The following HEMK2 variants were observed in gnomAD, a reference collection of about 807,000 sequenced individuals.
HEMK2 encodes the protein HemK methyltransferase 2, ETF1 glutamine and histone H4 lysine.
At chr21:28,715,531 T>G in the HEMK2 span, among the ~76,000 whole-genome samples, 1 of 152,344 alleles carries the variant, frequency 6.6e-6, no homozygotes, top group Non-Finnish European at 1.5e-5. Flanking sequence ...TTACATATTC[T>G]GGATATTAGA....
chr21:28,850,410 G>C, the HEMK2 span, among the ~76,000 whole-genome samples: 1 of 151,858 alleles, frequency 6.6e-6, no homozygotes, highest in Non-Finnish European at 1.5e-5. Flanking sequence ...ATTTTTAGTA[G>C]AGACGGGGTT....
the HEMK2 span, among the ~76,000 whole-genome samples, chr21:28,580,961 A>G: frequency 6.6e-6 from 1 of 152,288 alleles, no homozygotes; most frequent in East Asian, 1.9e-4. Context: ...AGGGTTTAAT[A>G]ATGATGAATT....
chr21:28,858,602 G>A, the HEMK2 span, among the ~76,000 whole-genome samples: 12 of 151,880 alleles, frequency 7.9e-5, no homozygotes, highest in South Asian at 2.1e-4. Flanking sequence ...AGGGAGGGAC[G>A]CAGGGAGGGA....
At chr21:28,602,729 A>T in the HEMK2 span, among the ~76,000 whole-genome samples, 9 of 152,320 alleles carry the variant, frequency 5.9e-5, no homozygotes, top group African/African-American at 2.2e-4. Context: ...AATGATAGAT[A>T]ACAGTTTTAG....
the HEMK2 span, among the ~76,000 whole-genome samples, chr21:28,830,191 T>G: frequency 6.6e-6 from 1 of 152,244 alleles, no homozygotes; most frequent in Non-Finnish European, 1.5e-5. Flanking sequence ...GGTTTGGCTC[T>G]GTGTCCCCAC....
chr21:28,843,946 A>G, the HEMK2 span, among the ~76,000 whole-genome samples: 2 of 152,154 alleles, frequency 1.3e-5, no homozygotes, highest in African/African-American at 4.8e-5. Flanking sequence ...TCAAAAATAA[A>G]ACATATATTT....
At chr21:28,871,490 C>G in the HEMK2 span, among the ~76,000 whole-genome samples, 58 of 152,196 alleles carry the variant, frequency 3.8e-4, no homozygotes, top group African/African-American at 1.4e-3. Context: ...TCCTCCAATA[C>G]TAGGGGATTA....
At chr21:28,782,819 TAG>T in the HEMK2 span, among the ~76,000 whole-genome samples, 1 of 152,150 alleles carries the variant, frequency 6.6e-6, no homozygotes, top group African/African-American at 2.4e-5. Context: ...CACTTTAAAT[TAG>T]TGATTTGTAT....
At chr21:28,626,098 T>G in the HEMK2 span, among the ~76,000 whole-genome samples, 1 of 152,168 alleles carries the variant, frequency 6.6e-6, no homozygotes, top group Non-Finnish European at 1.5e-5. Flanking sequence ...TTGTTGTTCT[T>G]ATAATTTCCT....
the HEMK2 span, chr21:28,883,137 G>T: frequency 9.1e-7 from 1 of 1,094,628 alleles, no homozygotes; most frequent in Admixed American, 2.3e-5. Flanking sequence ...AAACTCTCAT[G>T]CTAGTGTTAT....
At chr21:28,767,699 T>C in the HEMK2 span, among the ~76,000 whole-genome samples, 1 of 152,108 alleles carries the variant, frequency 6.6e-6, no homozygotes, top group Non-Finnish European at 1.5e-5. Context: ...TCTTACTCTA[T>C]AGTCAAGTCA....
the HEMK2 span, among the ~76,000 whole-genome samples, chr21:28,617,792 T>C: frequency 0.11 from 589 of 5,522 alleles, 2 homozygotes; most frequent in Non-Finnish European, 0.26. Flanking sequence ...TTGACTGCCT[T>C]TTTTTTTTTT....
chr21:28,752,801 TG>T, the HEMK2 span, among the ~76,000 whole-genome samples: 1 of 144,170 alleles, frequency 6.9e-6, no homozygotes, highest in African/African-American at 2.8e-5. Context: ...CACTACAAAA[TG>T]TAAGATATTA....
the HEMK2 span, among the ~76,000 whole-genome samples, chr21:28,625,092 A>G: frequency 6.6e-6 from 1 of 152,182 alleles, no homozygotes; most frequent in South Asian, 2.1e-4. Context: ...CATGCACCCA[A>G]CTTACTGAAA....
the HEMK2 span, among the ~76,000 whole-genome samples, chr21:28,613,522 A>G: frequency 8.6e-5 from 13 of 152,012 alleles, no homozygotes; most frequent in African/African-American, 3.1e-4. Context: ...GAGAGATTAA[A>G]TAACTTTTTC....
the HEMK2 span, among the ~76,000 whole-genome samples, chr21:28,661,248 T>C: frequency 2.6e-5 from 4 of 152,114 alleles, no homozygotes; most frequent in East Asian, 7.7e-4. Context: ...ATCTTCGTAT[T>C]TCACTTTTTG....
chr21:28,630,019 G>A, the HEMK2 span, among the ~76,000 whole-genome samples: 11 of 151,750 alleles, frequency 7.2e-5, no homozygotes, highest in Non-Finnish European at 1.6e-4. Flanking sequence ...CACAATTTGT[G>A]AGTATGAGTA....
the HEMK2 span, among the ~76,000 whole-genome samples, chr21:28,706,393 C>T: frequency 1.3e-5 from 2 of 152,076 alleles, no homozygotes; most frequent in Admixed American, 6.6e-5. Context: ...CCTTATCGGG[C>T]CTCAATCAAA....
At chr21:28,587,413 A>G in the HEMK2 span, among the ~76,000 whole-genome samples, 8 of 152,358 alleles carry the variant, frequency 5.3e-5, no homozygotes, top group Admixed American at 5.2e-4. Context: ...TTTTTAAACA[A>G]ATAGATTAGT....
Sources: allele counts gnomAD v4.1 joint callset (sites outside exome capture counted in the v4.1 genomes callset), GRCh38; gene constraint gnomAD v4.1.1; transcripts MANE v1.5; gene names NCBI Gene and HGNC (gene_info 2026-07-23, HGNC 2026-07-21).